The following PLD2 variants were observed in gnomAD, a reference collection of about 807,000 sequenced individuals.
PLD2 encodes the protein choline phosphatase 2.
A neutral mutation model predicts 119.8 loss-of-function variants in PLD2; 101 were observed. That is an observed-to-expected ratio of 0.84 (90% CI 0.72 to 0.99). The LOEUF is 0.99. Among genes scored for constraint, PLD2 ranks in the 50% least tolerant of loss-of-function variants. The pLI, the probability that PLD2 is intolerant of heterozygous loss-of-function variation, is 0.00. For synonymous variants in PLD2, 494 were observed against 482.8 expected (o/e 1.02, Z -0.30); for missense variants, 1,164 against 1,226.8 (o/e 0.95, Z 0.76).
intron 15 of PLD2, 51 bp from the exon 16 acceptor site, chr17:4,816,886 C>T: frequency 6.3e-7 from 1 of 1,582,416 alleles, no homozygotes; most frequent in Non-Finnish European, 8.6e-7. Context: ...CCCCAAGTGT[C>T]CCAAGGAGTC....
intron 23 of PLD2, 153 bp from the exon 24 acceptor site, chr17:4,821,640 C>T (rs1270003996): frequency 2.6e-5 from 14 of 546,498 alleles, no homozygotes; most frequent in African/African-American, 3.8e-5. Context: ...AGCAATCCAC[C>T]TGCCTCATCC....
Position 4,810,032 on chromosome 17 carries a change from G to A in PLD2, c.860+3G>A. 1.2e-6 allele frequency: 2 copies of A among 1,612,462 alleles called. No homozygotes were observed. Among genetic ancestry groups the A allele is most frequent in the Non-Finnish European group, 1.7e-6 (2 of 1,179,938 alleles). On this transcript the variant is annotated splice_donor_region_variant and intron_variant, in intron 9 of 24. Transcript: ENST00000263088. ...GTGCGGATCGATACCTCCCACAGGT[G>A]AGGCCTCCCTGGGGTGAGAGACACC...
chr17:4,821,022 C>T (rs112830611), intron 23 of PLD2, among the ~76,000 whole-genome samples: 2,560 of 151,900 alleles, frequency 0.017, 61 homozygotes, highest in African/African-American at 0.058. Context: ...CCTGCCTCAG[C>T]CTCCCGAGTA....
chr17:4,819,520 C>T lies in PLD2; in HGVS notation c.2400C>T (p.Leu800=), dbSNP rs1486514575. 1.5e-5 allele frequency: 24 copies of T among 1,614,068 alleles called. No homozygotes were observed. Among genetic ancestry groups the T allele is most frequent in the Non-Finnish European group, 2.0e-5 (24 of 1,180,000 alleles). ...AGGACACAGAGACGGAACCATCCCTCATGAATGGGGCAGAGTATCAGGCGG... is the reference window on the plus strand; with the variant it reads ...AGGACACAGAGACGGAACCATCCCTTATGAATGGGGCAGAGTATCAGGCGG... ...LIEDTETEPS[L]MNGAEYQAGR... is the part of the protein sequence containing the mutation. Residue 800 remains leucine (L), a synonymous_variant, in exon 23 of 25, where the codon CTC becomes CTT. Transcript: ENST00000263088. This position sits in a 1 kb window ranked among gnomAD's most constrained non-coding sequence, Gnocchi z 4.2.
rs745515447 is a variant in PLD2 at position 4,810,948 on chromosome 17, G to A, written c.1007G>A (p.Arg336Gln). The change falls in exon 10 of 25, where the codon CGG becomes CAG. Residue 336 changes from arginine (R) to glutamine (Q), a missense_variant. Coordinates refer to ENST00000263088, the MANE Select transcript of PLD2 (RefSeq NM_002663.5). ...YAPPRPGTLA[R>Q]WFVNGAGYFA... ...CCACCCCGGCCTGGGACCTTGGCCC[G>A]GTGGTGAGACACTGACATCCCTTCT... 29 of 1,608,454 alleles carry A rather than the reference G, an allele frequency of 1.8e-5. No individual in the cohort carries two copies. The highest frequency in any genetic ancestry group is 9.4e-5 in the African/African-American group (7 of 74,848).
At position 4,815,912 on chromosome 17, in the gene PLD2, C is replaced by T. The variant is rs757433748; in HGVS notation, c.1433C>T (p.Ser478Phe). 1.9e-6 allele frequency: 3 copies of T among 1,613,848 alleles called. No individual in the cohort carries two copies. The East Asian group carries it at 6.7e-5, about 36-fold the overall frequency. The change falls in exon 14 of 25, where the codon TCC becomes TTC. Residue 478 changes from serine (S) to phenylalanine (F), a missense_variant. By Grantham distance (155) the Ser-to-Phe change is radical. Coordinates refer to ENST00000263088, the MANE Select transcript of PLD2 (RefSeq NM_002663.5). ...TACCGACTGACTGACCTTGGAGACT[C>T]CTCTGAATCAGCTGCCTCCCAGGTA... The part of the protein sequence containing the change: ...LHYRLTDLGD[S>F]SESAASQPPT...
intron 10 of PLD2, among the ~76,000 whole-genome samples, chr17:4,811,543 G>A (rs1906483298): frequency 6.6e-6 from 1 of 152,102 alleles, no homozygotes; most frequent in South Asian, 2.1e-4. Context: ...CTCCCGAAGT[G>A]CTGGGATTAC....
Position 4,819,826 on chromosome 17 carries a change from G to A in PLD2, c.2462+244G>A, listed in dbSNP as rs75364523. Among the ~76,000 whole-genome samples the A allele has an allele frequency of 0.075, 11,456 of 152,118 alleles. 473 individuals are homozygous for A. The highest frequency in any genetic ancestry group is 0.099 in the Non-Finnish European group (6,713 of 67,990). ...CAGCCTGGCTAACATAGTGAAACCC[G>A]TCTCTACTAAAAATACAAAAAATCA... On this transcript the variant is annotated intron_variant, in intron 23 of 24. Coordinates refer to ENST00000263088, the MANE Select transcript of PLD2 (RefSeq NM_002663.5). The surrounding 1 kb of genome is among the most constrained non-coding windows in gnomAD (Gnocchi z 4.2).
At chr17:4,810,699 T>C in intron 9 of PLD2, 103 bp from the exon 10 acceptor site, 1 of 1,112,594 alleles carries the variant, frequency 9.0e-7, no homozygotes, top group Middle Eastern at 2.0e-4. Flanking sequence ...CCTGTGCAGT[T>C]GTGATTAGGG....
chr17:4,814,182 T>G (rs933332034), intron 10 of PLD2: 2 of 496,402 alleles, frequency 4.0e-6, no homozygotes, highest in Middle Eastern at 5.6e-4. Flanking sequence ...GTATGATGTA[T>G]TAATCCTCCT....
intron 14 of PLD2, among the ~76,000 whole-genome samples, 183 bp from the exon 15 acceptor site, chr17:4,816,437 A>AC (rs1156838919): frequency 9.2e-4 from 139 of 150,996 alleles, no homozygotes; most frequent in Non-Finnish European, 6.0e-4. Context: ...ATTTTCACTG[A>AC]CCATCACCCC....
chr17:4,816,822 A>T, intron 15 of PLD2, 76 bp downstream of exon 15: 1 of 1,607,268 alleles, frequency 6.2e-7, no homozygotes, highest in South Asian at 1.1e-5. Context: ...TGAGAGTGGG[A>T]TGAGAGGGGT....
In PLD2 at chr17:4,810,874, G is replaced by A. The variant is rs1277318619; in HGVS notation, c.933G>A (p.Gln311=). The A allele has an allele frequency of 1.2e-6, 2 of 1,613,964 alleles. No individual in the cohort carries two copies. Among genetic ancestry groups the A allele is most frequent in the Non-Finnish European group, 1.7e-6 (2 of 1,179,956 alleles). ...WWAQEITELA[Q]GPGRDFLQLH... ...CCCAAGAGATCACTGAGCTGGCACAGGGCCCAGGCAGAGACTTCCTACAGC... is the reference window on the plus strand; with the variant it reads ...CCCAAGAGATCACTGAGCTGGCACAAGGCCCAGGCAGAGACTTCCTACAGC... The change falls in exon 10 of 25, where the codon CAG becomes CAA. Residue 311 remains glutamine (Q), a synonymous_variant. Coordinates refer to ENST00000263088, the MANE Select transcript of PLD2 (RefSeq NM_002663.5).
intron 15 of PLD2, 53 bp from the exon 16 acceptor site, chr17:4,816,884 G>T: frequency 1.3e-6 from 2 of 1,579,988 alleles, no homozygotes; most frequent in Non-Finnish European, 1.7e-6. Flanking sequence ...TGCCCCAAGT[G>T]TCCCAAGGAG....
At chr17:4,817,797 A>T in intron 17 of PLD2, 1 of 453,782 alleles carries the variant, frequency 2.2e-6, no homozygotes, top group East Asian at 4.4e-5. Context: ...TCTCTACTAA[A>T]AATACAAAAA....
Position 4,823,265 on chromosome 17 carries a change from C to T in PLD2, c.*401C>T, listed in dbSNP as rs548406323. The T allele has an allele frequency of 1.8e-5, 3 of 168,858 alleles. No individual in the cohort carries two copies. The highest frequency in any genetic ancestry group is 7.1e-5 in the African/African-American group (3 of 42,080). The allele number at this position is 168,858 out of a possible 1,614,324, so 10.5% of individuals were successfully genotyped here. On this transcript the variant is annotated 3_prime_UTR_variant, in exon 25 of 25. Transcript: ENST00000263088. ...AACCCCCTCCCTGTCCCAGGGCCCTCCCAGCCCATTGCTGCCAAGGTGGAG... is the reference window on the plus strand; with the variant it reads ...AACCCCCTCCCTGTCCCAGGGCCCTTCCAGCCCATTGCTGCCAAGGTGGAG...
At position 4,818,295 on chromosome 17, in the gene PLD2, A is replaced by C; in HGVS notation, c.1921-2A>C. The C allele has an allele frequency of 6.2e-7, 1 of 1,612,816 alleles. No individual in the cohort carries two copies. The highest frequency in any genetic ancestry group is 8.5e-7 in the Non-Finnish European group (1 of 1,178,858). On this transcript the variant is annotated splice_acceptor_variant, in intron 18 of 24. Transcript: ENST00000263088. LOFTEE classifies it high-confidence loss of function. ...GATGTCTGTCTCTGATTCTTGCCCC[A>C]GAATCAGTTCTTCATTAGCTGCTCA... is the stretch of plus-strand genomic sequence containing the variant.
In PLD2 at chr17:4,809,784, G is replaced by T; in HGVS notation, c.707+1G>T. 1.2e-6 allele frequency: 2 copies of T among 1,614,170 alleles called. No homozygotes were observed. Among genetic ancestry groups the T allele is most frequent in the Non-Finnish European group, 1.7e-6 (2 of 1,180,030 alleles). Reference sequence around the variant, plus strand: ...AAGTTTGTTATCGCTGGTCCAAGAGGTACGGGCTATGGCCAAGCAGCTGGG... The same window carrying T: ...AAGTTTGTTATCGCTGGTCCAAGAGTTACGGGCTATGGCCAAGCAGCTGGG... On this transcript the variant is annotated splice_donor_variant, in intron 8 of 24. Coordinates refer to ENST00000263088, the MANE Select transcript of PLD2 (RefSeq NM_002663.5). LOFTEE classifies it high-confidence loss of function.
At position 4,808,425 on chromosome 17, in the gene PLD2, G is replaced by A. The variant is rs895744207; in HGVS notation, c.383+9G>A. ...CTGCTCCCTCTGGCTCGGTGAGGGC[G>A]ACCGGACTGCTTCCTGTAGAGGGCA... On this transcript the variant is annotated intron_variant, in intron 4 of 24. Transcript: ENST00000263088. The surrounding 1 kb of genome is among the most constrained non-coding windows in gnomAD (Gnocchi z 4.1). 4.3e-6 allele frequency: 7 copies of A among 1,612,396 alleles called. No individual in the cohort carries two copies. Among genetic ancestry groups the A allele is most frequent in the East Asian group, 2.2e-5 (1 of 44,888 alleles).
Sources: gnomAD v4.1 joint callset for allele counts (sites outside exome capture counted in the v4.1 genomes callset) on GRCh38, gnomAD v4.1.1 for gene constraint, Gnocchi (gnomAD v3.1) non-coding constraint, MANE v1.5 for transcripts, NCBI Gene and HGNC (gene_info 2026-07-23, HGNC 2026-07-21) for gene names.